The following OR1F1 variants were observed in gnomAD, a reference collection of about 807,000 sequenced individuals.
OR1F1 encodes the protein olfactory receptor 1F1.
For missense variants in OR1F1, 493 were observed against 376.3 expected, an observed-to-expected ratio of 1.31 and a Z score of -2.57; for synonymous variants, 184 against 156.7, an observed-to-expected ratio of 1.17 and a Z score of -1.30.
chr16:3,199,756 G>C (rs886548856), upstream of OR1F1, among the ~76,000 whole-genome samples: 1 of 152,092 alleles, frequency 6.6e-6, no homozygotes, highest in Non-Finnish European at 1.5e-5. Context: ...GCTCACACTT[G>C]TAATCTCTCA....
At chr16:3,193,636 C>G in the OR1F1 span, among the ~76,000 whole-genome samples, 1 of 152,214 alleles carries the variant, frequency 6.6e-6, no homozygotes, top group East Asian at 1.9e-4. Context: ...TCACTCCCGT[C>G]GCCCAGGCTG....
At chr16:3,202,660 AAATAATAATAATAATAATAATAATAAT>A (rs3064190), upstream of OR1F1, among the ~76,000 whole-genome samples, 5 of 141,836 alleles carry the variant, frequency 3.5e-5, no homozygotes, top group African/African-American at 1.3e-4. Context: ...TTCCATCTCA[AAATAATAATAATAATAATAATAATAAT>A]AATAATAATA....
the OR1F1 span, among the ~76,000 whole-genome samples, chr16:3,192,577 C>G: frequency 6.6e-6 from 1 of 152,234 alleles, no homozygotes; most frequent in African/African-American, 2.4e-5. Context: ...TGAATTTTTA[C>G]CACTAGGTAA....
At chr16:3,204,208 G>A (rs186277679), upstream of OR1F1, 157 of 1,482,594 alleles carry the variant, frequency 1.1e-4, no homozygotes, top group African/African-American at 8.7e-4. Context: ...TTTGCATTTC[G>A]TCTTCTTTGT....
the OR1F1 span, among the ~76,000 whole-genome samples, chr16:3,189,440 G>A: frequency 8.8e-3 from 1,341 of 152,342 alleles, 13 homozygotes; most frequent in Non-Finnish European, 0.012. Context: ...TAGCGCCAGG[G>A]CTGCTCCCCA....
upstream of OR1F1, among the ~76,000 whole-genome samples, chr16:3,203,459 C>T (rs1254204821): frequency 6.6e-6 from 1 of 152,220 alleles, no homozygotes; most frequent in Non-Finnish European, 1.5e-5. Context: ...GACTGCTGCT[C>T]TTTCTGGGTA....
the OR1F1 span, among the ~76,000 whole-genome samples, chr16:3,192,038 G>A: frequency 6.6e-6 from 1 of 152,084 alleles, no homozygotes; most frequent in African/African-American, 2.4e-5. Flanking sequence ...GAGAGGTCCC[G>A]GGTTCAAATC....
upstream of OR1F1, among the ~76,000 whole-genome samples, chr16:3,200,373 G>A (rs755398604): frequency 2.0e-5 from 3 of 152,172 alleles, no homozygotes; most frequent in Non-Finnish European, 4.4e-5. Context: ...TTCGGAGGCC[G>A]AGAGGGGCGG....
At chr16:3,204,790 A>T in exon 1 of OR1F1, 3 of 1,613,392 alleles carry the variant, frequency 1.9e-6, no homozygotes, top group East Asian at 4.5e-5. Context: ...CTGCGATGTG[A>T]CTCCCCTACT....
At chr16:3,202,660 AAATAATAATAATAATAATAAT>A (rs3064190), upstream of OR1F1, among the ~76,000 whole-genome samples, 106 of 141,838 alleles carry the variant, frequency 7.5e-4, no homozygotes, top group African/African-American at 2.3e-3. Flanking sequence ...TTCCATCTCA[AAATAATAATAATAATAATAAT>A]AATAATAATA....
downstream of OR1F1, among the ~76,000 whole-genome samples, chr16:3,205,657 A>G (rs926839826): frequency 6.6e-6 from 1 of 152,092 alleles, no homozygotes; most frequent in African/African-American, 2.4e-5. Context: ...ATACTTTTAT[A>G]ATTTCTTACG....
At chr16:3,196,498 C>T in the OR1F1 span, among the ~76,000 whole-genome samples, 2 of 151,888 alleles carry the variant, frequency 1.3e-5, no homozygotes, top group Admixed American at 6.6e-5. Flanking sequence ...ATCTTCCCAC[C>T]TCAGCCTCCT....
At chr16:3,204,925 A>G in exon 1 of OR1F1, 2 of 1,614,052 alleles carry the variant, frequency 1.2e-6, no homozygotes, top group Admixed American at 1.7e-5. Flanking sequence ...CACTGTCCTG[A>G]AGGTCCCATC....
chr16:3,202,026 G>T (rs1958140453), upstream of OR1F1, among the ~76,000 whole-genome samples: 1 of 152,228 alleles, frequency 6.6e-6, no homozygotes, highest in Non-Finnish European at 1.5e-5. Context: ...ACTGCCTGCT[G>T]CTTTAGTAAA....
chr16:3,200,421 A>G (rs1257494782), upstream of OR1F1, among the ~76,000 whole-genome samples: 1 of 152,158 alleles, frequency 6.6e-6, no homozygotes, highest in Admixed American at 6.5e-5. Context: ...AGCCTGGCCA[A>G]TATGGTGAAA....
At chr16:3,205,760 G>T (rs566179329), downstream of OR1F1, among the ~76,000 whole-genome samples, 2 of 152,112 alleles carry the variant, frequency 1.3e-5, no homozygotes, top group East Asian at 3.8e-4. Flanking sequence ...TCTCATGCCT[G>T]TCTTTACTTT....
chr16:3,199,309 T>A (rs901169671), upstream of OR1F1, among the ~76,000 whole-genome samples: 2 of 151,214 alleles, frequency 1.3e-5, no homozygotes, highest in African/African-American at 4.9e-5. Flanking sequence ...CCTGAAATAA[T>A]AATAATTATT....
At chr16:3,204,142 C>T (rs1958170461), upstream of OR1F1, 3 of 796,726 alleles carry the variant, frequency 3.8e-6, no homozygotes, top group Non-Finnish European at 6.0e-6. Flanking sequence ...TTACATCCTG[C>T]AAGCAAAATT....
At chr16:3,202,293 A>T (rs1192120025), upstream of OR1F1, among the ~76,000 whole-genome samples, 2 of 152,184 alleles carry the variant, frequency 1.3e-5, no homozygotes, top group Non-Finnish European at 2.9e-5. Flanking sequence ...GCAGAAGCCA[A>T]TGCAGTAGTG....
Sources: gnomAD v4.1 joint callset for allele counts (sites outside exome capture counted in the v4.1 genomes callset) on GRCh38, gnomAD v4.1.1 for gene constraint, MANE v1.5 for transcripts, NCBI Gene and HGNC (gene_info 2026-07-23, HGNC 2026-07-21) for gene names.